The following LRRC69 variants were observed in gnomAD, a reference collection of about 807,000 sequenced individuals.
The protein encoded by LRRC69 is leucine-rich repeat-containing protein 69.
LRRC69 carries 42 observed loss-of-function variants against 37.8 expected under a neutral mutation model. The observed-to-expected ratio is 1.11, with a 90% CI of 0.87 to 1.44. The LOEUF is 1.44. LRRC69 is among the 40% of genes most tolerant of loss of function. LRRC69 has a pLI of 0.00. For missense variants in LRRC69, 357 were observed against 401.9 expected (o/e 0.89, Z 0.96); for synonymous variants, 141 against 143.1 (o/e 0.99, Z 0.11).
At chr8:91,177,510 A>G (rs769327067) in intron 5 of LRRC69, among the ~76,000 whole-genome samples, 32 of 152,198 alleles carry the variant, frequency 2.1e-4, no homozygotes, top group Admixed American at 3.9e-4. Flanking sequence ...ATAATTATAT[A>G]CATTCACTTT....
intron 1 of LRRC69, among the ~76,000 whole-genome samples, chr8:91,107,672 G>A (rs1813341488): frequency 6.6e-6 from 1 of 151,780 alleles, no homozygotes; most frequent in African/African-American, 2.4e-5. Flanking sequence ...AGGGGGTAGG[G>A]GTTCTTTAGT....
At chr8:91,218,972 C>G in exon 8 of LRRC69, 13 of 1,550,600 alleles carry the variant, frequency 8.4e-6, no homozygotes, top group Non-Finnish European at 1.1e-5. Flanking sequence ...CAACGTGACC[C>G]TAACCTCTTT....
rs181797603 is a variant in LRRC69 at position 91,113,861 on chromosome 8, A to G, written c.184-10632A>G. 3.0e-4 allele frequency among the ~76,000 whole-genome samples: 46 copies of G among 151,636 alleles called. No homozygotes were observed. The East Asian group carries it at 6.8e-3, about 22-fold the overall frequency. On this transcript the variant is annotated intron_variant, in intron 1 of 7. Transcript: ENST00000448384. ...AAGGAACTCGTGCAACTCAATAGCA[A>G]GAAACAAACAAACAAATAACCTGAT...
chr8:91,155,496 C>G (rs868350258), intron 5 of LRRC69, among the ~76,000 whole-genome samples: 4 of 150,842 alleles, frequency 2.7e-5, no homozygotes, highest in African/African-American at 7.3e-5. Flanking sequence ...AACAACCTAT[C>G]TATTTGAAAT....
chr8:91,164,860 T>G (rs1809001589), intron 5 of LRRC69, among the ~76,000 whole-genome samples: 1 of 151,698 alleles, frequency 6.6e-6, no homozygotes, highest in African/African-American at 2.4e-5. Context: ...TTATGCCTGA[T>G]TATCATGTAT....
intron 5 of LRRC69, among the ~76,000 whole-genome samples, chr8:91,144,969 T>C (rs1209852866): frequency 6.6e-6 from 1 of 151,992 alleles, no homozygotes; most frequent in African/African-American, 2.4e-5. Flanking sequence ...AACACAAATA[T>C]GTGCACATAC....
At chr8:91,215,924 A>T (rs886908640) in intron 7 of LRRC69, among the ~76,000 whole-genome samples, 4 of 152,184 alleles carry the variant, frequency 2.6e-5, no homozygotes, top group African/African-American at 7.2e-5. Context: ...ATAGAAATAC[A>T]AATTTAAAAG....
At chr8:91,200,945 C>T (rs1355231013) in intron 7 of LRRC69, among the ~76,000 whole-genome samples, 153 bp downstream of exon 7, 2 of 152,060 alleles carry the variant, frequency 1.3e-5, no homozygotes, top group Admixed American at 6.5e-5. Flanking sequence ...GGATAAGTGT[C>T]GGTAATAATC....
At chr8:91,217,048 C>T (rs73697148) in intron 7 of LRRC69, among the ~76,000 whole-genome samples, 3,816 of 152,150 alleles carry the variant, frequency 0.025, 175 homozygotes, top group African/African-American at 0.085. Context: ...CCTATGGTGT[C>T]TCCTGTCTCT....
intron 3 of LRRC69, among the ~76,000 whole-genome samples, chr8:91,129,661 G>A (rs1312850651): frequency 6.6e-6 from 1 of 151,908 alleles, no homozygotes; most frequent in Non-Finnish European, 1.5e-5. Context: ...GTGCTGAGTT[G>A]TCCTTCTTTG....
rs1482061746 is a variant in LRRC69, at chr8:91,191,967, GTA to G, written c.753+2348_753+2349del. Among the ~76,000 whole-genome samples, 395 of 151,056 alleles carry G rather than the reference GTA, an allele frequency of 2.6e-3. 4 individuals carry two copies. The highest frequency in any genetic ancestry group is 9.3e-3 in the African/African-American group (383 of 41,138). ...CCACTAACTCGTCATCTAGCATTAG[GTA>G]TATCTCCCAATGCTATCCCTCCCCC... On this transcript the variant is annotated intron_variant, in intron 6 of 7. Coordinates refer to ENST00000448384, the Ensembl canonical transcript of LRRC69.
intron 5 of LRRC69, among the ~76,000 whole-genome samples, chr8:91,146,277 T>G (rs545210977): frequency 6.6e-5 from 10 of 151,710 alleles, no homozygotes; most frequent in African/African-American, 2.4e-4. Context: ...AAAATGGAGA[T>G]CCTCAAATTT....
At chr8:91,191,000 C>G (rs1809483895) in intron 6 of LRRC69, among the ~76,000 whole-genome samples, 1 of 150,380 alleles carries the variant, frequency 6.6e-6, no homozygotes, top group African/African-American at 2.4e-5. Context: ...GTTCATGCTA[C>G]TGCACTCCAG....
Position 91,210,409 on chromosome 8 carries a change from C to G in LRRC69, c.934-8481C>G, listed in dbSNP as rs1809887499. ...ATGATGATACCATTACTCCCAATAGCTATCTTTGTATATTTGAAACACTGT... is the reference window on the plus strand; with the variant it reads ...ATGATGATACCATTACTCCCAATAGGTATCTTTGTATATTTGAAACACTGT... On this transcript the variant is annotated intron_variant, in intron 7 of 7. Coordinates refer to ENST00000448384, the Ensembl canonical transcript of LRRC69. 2.0e-5 allele frequency among the ~76,000 whole-genome samples: 3 copies of G among 152,076 alleles called. No individual in the cohort carries two copies. The South Asian group carries it at 6.2e-4, about 32-fold the overall frequency.
intron 5 of LRRC69, among the ~76,000 whole-genome samples, chr8:91,185,138 G>A (rs1004659637): frequency 6.6e-6 from 1 of 152,226 alleles, no homozygotes; most frequent in Non-Finnish European, 1.5e-5. Flanking sequence ...CAGGTATGGG[G>A]TGGGGACTGT....
At chr8:91,200,506 G>A in intron 6 of LRRC69, 107 bp from the exon 7 acceptor site, 1 of 678,368 alleles carries the variant, frequency 1.5e-6, no homozygotes, top group South Asian at 3.3e-5. Context: ...TAATTTAACA[G>A]AATCTAGATA....
At chr8:91,116,640 G>A (rs756303841) in intron 1 of LRRC69, among the ~76,000 whole-genome samples, 14 of 151,792 alleles carry the variant, frequency 9.2e-5, no homozygotes, top group Non-Finnish European at 1.9e-4. Context: ...ACAGTGGAGG[G>A]TAGGAGTTAG....
rs544974007 is a variant in LRRC69, at chr8:91,157,368, T to C, written c.651+21629T>C. On this transcript the variant is annotated intron_variant, in intron 5 of 7. Coordinates refer to ENST00000448384, the Ensembl canonical transcript of LRRC69. The stretch of plus-strand genomic sequence containing the variant: ...TCCCCAAAGAAGTAGGACCCACTAA[T>C]GCAGATCCTGTATGTCTAGCTAAGA... The C allele has an allele frequency of 1.2e-5, 19 of 1,608,182 alleles. No homozygotes were observed. In the East Asian group the frequency reaches 4.0e-4, roughly 34 times the overall value.
chr8:91,161,512 T>C (rs1808945086), intron 5 of LRRC69, among the ~76,000 whole-genome samples: 3 of 151,246 alleles, frequency 2.0e-5, no homozygotes, highest in African/African-American at 7.3e-5. Flanking sequence ...TTCTTCCTGG[T>C]TCAACCTTGT....
Sources: gnomAD v4.1 joint callset for allele counts (sites outside exome capture counted in the v4.1 genomes callset) on GRCh38, gnomAD v4.1.1 for gene constraint, MANE v1.5 for transcripts, NCBI Gene and HGNC (gene_info 2026-07-23, HGNC 2026-07-21) for gene names.